Variants in PTPRD observed in about 807,000 individuals in gnomAD.
PTPRD encodes the protein receptor-type tyrosine-protein phosphatase delta.
In PTPRD, 34 loss-of-function variants were observed where a neutral mutation model predicts 214.5. That is an observed-to-expected ratio of 0.16 (90% confidence interval 0.12 to 0.21). PTPRD has a LOEUF of 0.21. PTPRD is among the 10% of genes least tolerant of loss of function. PTPRD has a pLI of 1.00. For synonymous variants in PTPRD, 1,128 were observed against 845.7 expected, an observed-to-expected ratio of 1.33 and a Z score of -5.79; for missense variants, 2,545 against 2,398.7, an observed-to-expected ratio of 1.06 and a Z score of -1.27.
chr9:10,016,064 G>T (rs1250211556), intron 4 of PTPRD, among the ~76,000 whole-genome samples: 4 of 152,120 alleles, frequency 2.6e-5, no homozygotes, highest in Admixed American at 6.5e-5. Context: ...TTGTCCCTCA[G>T]AACCTGGAAA....
chr9:10,489,745 G>C (rs2099155120), intron 2 of PTPRD, among the ~76,000 whole-genome samples: 1 of 152,072 alleles, frequency 6.6e-6, no homozygotes, highest in South Asian at 2.1e-4. Context: ...TTAGTTATCA[G>C]CTGAGTTTGG....
chr9:9,465,320 T>C (rs1255293554), intron 8 of PTPRD, among the ~76,000 whole-genome samples: 1 of 152,202 alleles, frequency 6.6e-6, no homozygotes, highest in Non-Finnish European at 1.5e-5. Context: ...ACAAATACTT[T>C]ATCCTTAAGA....
intron 12 of PTPRD, among the ~76,000 whole-genome samples, chr9:8,682,400 G>A (rs529421681): frequency 2.8e-5 from 4 of 144,692 alleles, no homozygotes; most frequent in South Asian, 4.2e-4. Flanking sequence ...AAACATAAAT[G>A]TTTGGGGGGA....
chr9:8,911,909 C>T (rs753931030), intron 11 of PTPRD, among the ~76,000 whole-genome samples: 10 of 152,186 alleles, frequency 6.6e-5, no homozygotes, highest in Admixed American at 1.3e-4. Context: ...AAAAAATTCT[C>T]GCTTCGTTAG....
chr9:9,358,592 T>A (rs980668566), intron 9 of PTPRD, among the ~76,000 whole-genome samples: 1 of 151,268 alleles, frequency 6.6e-6, no homozygotes, highest in Admixed American at 6.6e-5. Flanking sequence ...TTGCTAACTA[T>A]GCCAATAGTC....
intron 8 of PTPRD, among the ~76,000 whole-genome samples, chr9:9,525,898 C>T (rs1342043005): frequency 6.6e-6 from 1 of 151,656 alleles, no homozygotes; most frequent in Non-Finnish European, 1.5e-5. Context: ...ATGTAAGCAT[C>T]ACCTAAGTCA....
rs1177683993 is a variant in PTPRD at position 8,981,003 on chromosome 9, A to C, written c.-104+37694T>G. ...ATGAGTATGGGCCTCCTAGGAGTTG[A>C]AGCTGAAAGCTCCCCATAATCTTTG... On this transcript the variant is annotated intron_variant, in intron 11 of 45. Transcript: ENST00000381196. Among the ~76,000 whole-genome samples the C allele has an allele frequency of 3.9e-5, 6 of 152,050 alleles. No individual in the cohort carries two copies. The East Asian group carries it at 9.7e-4, about 25-fold the overall frequency.
At chr9:8,401,749 C>G (rs1053919129) in intron 36 of PTPRD, among the ~76,000 whole-genome samples, 1 of 152,150 alleles carries the variant, frequency 6.6e-6, no homozygotes, top group Non-Finnish European at 1.5e-5. Flanking sequence ...ACTGCGGCCA[C>G]TTCCAGTTTT....
At chr9:9,960,415 G>T (rs1053537427) in intron 4 of PTPRD, among the ~76,000 whole-genome samples, 2 of 152,100 alleles carry the variant, frequency 1.3e-5, no homozygotes, top group African/African-American at 2.4e-5. Context: ...CCACTCCTGC[G>T]CTGTGGCCTC....
intron 2 of PTPRD, among the ~76,000 whole-genome samples, chr9:10,494,211 TTTAAAAGTAAA>T (rs1374844238): frequency 6.6e-6 from 1 of 151,932 alleles, no homozygotes; most frequent in African/African-American, 2.4e-5. Flanking sequence ...CTAAAGATAG[TTTAAAAGTAAA>T]TCAAGGTAAA....
At chr9:10,252,244 T>C (rs2092842420) in intron 3 of PTPRD, among the ~76,000 whole-genome samples, 1 of 152,182 alleles carries the variant, frequency 6.6e-6, no homozygotes, top group South Asian at 2.1e-4. Context: ...GGACATGAAA[T>C]GGTGTGTTCT....
At chr9:10,246,937 A>G in intron 3 of PTPRD, among the ~76,000 whole-genome samples, 1 of 151,822 alleles carries the variant, frequency 6.6e-6, no homozygotes, top group South Asian at 2.1e-4. Context: ...TAAATAAATA[A>G]TAAAACAAAT....
rs566942805 is a variant in PTPRD, at chr9:8,692,637, G to C, written c.64+41143C>G. 3.3e-5 allele frequency among the ~76,000 whole-genome samples: 5 copies of C among 152,156 alleles called. No homozygotes were observed. The East Asian group carries it at 5.8e-4, about 18-fold the overall frequency. ...AAATTAGCCCTATCTGTCTCAAAAAGCTGTCATGAAAATCAAGTAAGTCAG... is the reference window on the plus strand; with the variant it reads ...AAATTAGCCCTATCTGTCTCAAAAACCTGTCATGAAAATCAAGTAAGTCAG... On this transcript the variant is annotated intron_variant, in intron 12 of 45. Coordinates refer to ENST00000381196, the MANE Select transcript of PTPRD (RefSeq NM_002839.4).
chr9:9,107,458 C>A (rs1482576842), intron 10 of PTPRD, among the ~76,000 whole-genome samples: 2 of 152,134 alleles, frequency 1.3e-5, no homozygotes, highest in African/African-American at 4.8e-5. Context: ...GACTTATAAC[C>A]TTTACCTGAC....
intron 8 of PTPRD, among the ~76,000 whole-genome samples, chr9:9,425,349 A>G (rs2142872615): frequency 6.8e-6 from 1 of 146,494 alleles, no homozygotes; most frequent in East Asian, 2.0e-4. Flanking sequence ...GCAATATTAC[A>G]TGTGCATATA....
At chr9:8,944,590 T>A (rs895282190) in intron 11 of PTPRD, among the ~76,000 whole-genome samples, 1 of 152,146 alleles carries the variant, frequency 6.6e-6, no homozygotes, top group Non-Finnish European at 1.5e-5. Context: ...AATGAGATCC[T>A]GTCATTTGCA....
intron 7 of PTPRD, among the ~76,000 whole-genome samples, chr9:9,583,045 G>T (rs2091177824): frequency 6.6e-6 from 1 of 151,978 alleles, no homozygotes; most frequent in Admixed American, 6.6e-5. Flanking sequence ...AATAGTATAG[G>T]CTGGAATTTG....
At chr9:9,210,061 C>G (rs1409150620) in intron 9 of PTPRD, among the ~76,000 whole-genome samples, 1 of 151,986 alleles carries the variant, frequency 6.6e-6, no homozygotes, top group Non-Finnish European at 1.5e-5. Context: ...CAACCTTTGC[C>G]CCAGCGGAAA....
At chr9:10,031,897 G>C (rs1170843762) in intron 4 of PTPRD, among the ~76,000 whole-genome samples, 1 of 151,928 alleles carries the variant, frequency 6.6e-6, no homozygotes, top group Non-Finnish European at 1.5e-5. Context: ...AAAGGATTTT[G>C]AATTGGTTCA....
Sources: gnomAD v4.1 joint callset for allele counts (sites outside exome capture counted in the v4.1 genomes callset) on GRCh38, gnomAD v4.1.1 for gene constraint, MANE v1.5 for transcripts, NCBI Gene and HGNC (gene_info 2026-07-23, HGNC 2026-07-21) for gene names.